The following TIAM1 variants were observed in gnomAD, a reference collection of about 807,000 sequenced individuals.
TIAM1 encodes TIAM Rac1 associated GEF 1.
Under a neutral mutation model 163.5 loss-of-function variants are expected in TIAM1, and 65 were observed. That is an observed-to-expected ratio of 0.40 (90% CI 0.33 to 0.49). The LOEUF (loss-of-function observed/expected upper bound fraction) is 0.49, where lower values mean the gene tolerates loss of function less well. Among genes scored for constraint, TIAM1 ranks in the 20% least tolerant of loss-of-function variants. The pLI is 0.77. For missense variants in TIAM1, 1,789 were observed against 2,044.7 expected (o/e 0.87, Z 2.41); for synonymous variants, 833 against 810.1 (o/e 1.03, Z -0.48).
intron 2 of TIAM1, among the ~76,000 whole-genome samples, chr21:31,301,441 G>A (rs2074495243): frequency 6.6e-6 from 1 of 152,108 alleles, no homozygotes; most frequent in African/African-American, 2.4e-5. Flanking sequence ...AGACCAGACA[G>A]GAATTACATT....
At chr21:31,259,550 G>A (rs143565246) in intron 4 of TIAM1, among the ~76,000 whole-genome samples, 1,844 of 151,934 alleles carry the variant, frequency 0.012, 16 homozygotes, top group Non-Finnish European at 0.017. Context: ...GTTCAAGGCC[G>A]CAGTGCACTA....
intron 1 of TIAM1, among the ~76,000 whole-genome samples, chr21:31,520,861 A>C (rs945606542): frequency 6.6e-6 from 1 of 152,246 alleles, no homozygotes; most frequent in Admixed American, 6.5e-5. Context: ...AATTCCCACC[A>C]CTGGACCAAT....
chr21:31,337,534 T>C (rs2075882964), intron 2 of TIAM1, among the ~76,000 whole-genome samples: 1 of 150,426 alleles, frequency 6.6e-6, no homozygotes, highest in South Asian at 2.1e-4. Context: ...ATTATTATTA[T>C]TATTATTATT....
At chr21:31,313,636 G>A (rs367954370) in intron 2 of TIAM1, among the ~76,000 whole-genome samples, 1 of 152,194 alleles carries the variant, frequency 6.6e-6, no homozygotes, top group East Asian at 1.9e-4. Flanking sequence ...ATCCAGTGGC[G>A]CAATCTTGGC....
intron 2 of TIAM1, among the ~76,000 whole-genome samples, chr21:31,403,814 G>T (rs1602197359): frequency 6.6e-6 from 1 of 152,188 alleles, no homozygotes; most frequent in African/African-American, 2.4e-5. Context: ...GTCAAAAAAT[G>T]AATTAGACAG....
At chr21:31,210,741 AGG>A (rs1410367443) in intron 10 of TIAM1, among the ~76,000 whole-genome samples, 6 of 120,232 alleles carry the variant, frequency 5.0e-5, no homozygotes, top group African/African-American at 1.7e-4. Context: ...GAAAGAAGGA[AGG>A]AAGGGAGAAA....
intron 4 of TIAM1, among the ~76,000 whole-genome samples, chr21:31,261,694 C>T (rs1245679025): frequency 6.7e-6 from 1 of 150,024 alleles, no homozygotes; most frequent in African/African-American, 2.5e-5. Context: ...TCCTGGGCAA[C>T]AGAGTGAGAC....
intron 2 of TIAM1, among the ~76,000 whole-genome samples, chr21:31,277,392 T>A (rs2073344364): frequency 6.6e-6 from 1 of 152,218 alleles, no homozygotes; most frequent in Admixed American, 6.5e-5. Flanking sequence ...ATGCCTGTAA[T>A]CCCAGCACTT....
chr21:31,469,503 A>G (rs1383290236), intron 1 of TIAM1, among the ~76,000 whole-genome samples: 1 of 152,138 alleles, frequency 6.6e-6, no homozygotes, highest in Non-Finnish European at 1.5e-5. Flanking sequence ...GACTGACAAC[A>G]GTAGAAGAAG....
chr21:31,481,803 G>A (rs529378133), intron 1 of TIAM1, among the ~76,000 whole-genome samples: 1 of 152,034 alleles, frequency 6.6e-6, no homozygotes, highest in South Asian at 2.1e-4. Context: ...TCTGAATTCT[G>A]TTGTTTAGAG....
intron 2 of TIAM1, among the ~76,000 whole-genome samples, chr21:31,456,389 C>T (rs536760307): frequency 6.6e-6 from 1 of 152,296 alleles, no homozygotes; most frequent in African/African-American, 2.4e-5. Context: ...AGCCTCCCTG[C>T]CGCCCTGGCA....
intron 2 of TIAM1, among the ~76,000 whole-genome samples, chr21:31,384,762 G>T (rs1305435765): frequency 2.0e-5 from 3 of 152,126 alleles, no homozygotes; most frequent in African/African-American, 7.2e-5. Flanking sequence ...GCACAGAAGG[G>T]CTACACATAC....
In TIAM1 at chr21:31,266,874, C is replaced by T. The variant is rs987015348; in HGVS notation, c.99G>A (p.Ser33=). ...CGTGCCTGGTCCTCCGCGTCTTGTG[C>T]GAGAGGCGCAGGGAGCGGGAAGTGT... The part of the protein sequence containing the change: ...RKHTSRSLRL[S]HKTRRTRHAS... The change falls in exon 4 of 28, where the codon TCG becomes TCA. Residue 33 remains serine, a synonymous_variant. Transcript: ENST00000541036. The T allele has an allele frequency of 5.6e-6, 9 of 1,614,084 alleles. No homozygotes were observed. Among genetic ancestry groups the T allele is most frequent in the South Asian group, 3.3e-5 (3 of 91,088 alleles).
rs765362629 is a variant in TIAM1 at position 31,135,984 on chromosome 21, G to A, written c.3832C>T (p.Pro1278Ser). 1.9e-6 allele frequency: 3 copies of A among 1,614,160 alleles called. No homozygotes were observed. The highest frequency in any genetic ancestry group is 2.5e-6 in the Non-Finnish European group (3 of 1,180,022). ...LLHTTVIWLN[P>S]PASLGKWKKE... The stretch of plus-strand genomic sequence containing the variant: ...TTCCACTTGCCCAGCGAGGCCGGCG[G>A]GTTCAGCCAGATCACGGTAGTGTGC... Residue 1278 changes from proline (P) to serine (S), a missense_variant, in exon 23 of 28, where the codon CCG becomes TCG. Pro to Ser is a moderately conservative substitution (Grantham distance 74). This residue lies in a region of TIAM1 where 415 missense variants were observed against 439.2 expected (regional missense o/e 0.94). Coordinates refer to ENST00000541036, the MANE Select transcript of TIAM1 (RefSeq NM_001353694.2).
intron 2 of TIAM1, among the ~76,000 whole-genome samples, chr21:31,418,948 G>A (rs1006722755): frequency 6.6e-6 from 1 of 152,098 alleles, no homozygotes; most frequent in Non-Finnish European, 1.5e-5. Flanking sequence ...CCCACCGAGC[G>A]GTCTAGCCCA....
chr21:31,284,454 G>A (rs536835805), intron 2 of TIAM1, among the ~76,000 whole-genome samples: 59 of 152,248 alleles, frequency 3.9e-4, no homozygotes, highest in Admixed American at 3.7e-3. Flanking sequence ...CACAGCAGGG[G>A]GGGTGGAGGG....
Position 31,120,473 on chromosome 21 carries a change from A to G in TIAM1, c.4671T>C (p.Ala1557=), listed in dbSNP as rs1356807000. The change falls in exon 28 of 28, where the codon GCT becomes GCC. Residue 1557 remains alanine, a synonymous_variant. Transcript: ENST00000541036. The surrounding 1 kb of genome is among the most constrained non-coding windows in gnomAD (Gnocchi z 4.2). ...ASRMAQLKKQ[A]ALSGINGGLE... is the part of the protein sequence containing the mutation. ...GGCCTCCATTGATCCCCGACAGGGC[A>G]GCTTGCTTCTTGAGCTGTGCCATGC... The G allele has an allele frequency of 6.2e-7, 1 of 1,614,188 alleles. No homozygotes were observed. Among genetic ancestry groups the G allele is most frequent in the East Asian group, 2.2e-5 (1 of 44,876 alleles).
chr21:31,298,968 A>T (rs1174518783), intron 2 of TIAM1, among the ~76,000 whole-genome samples: 1 of 152,164 alleles, frequency 6.6e-6, no homozygotes, highest in Non-Finnish European at 1.5e-5. Context: ...ATGTTATCGG[A>T]GGAGGGAGGC....
chr21:31,548,346 G>A lies in TIAM1; in HGVS notation c.-422+10581C>T, dbSNP rs138816412. On this transcript the variant is annotated intron_variant, in intron 1 of 28. Transcript: ENST00000286827. ...TAGTAGGGACGGGTTTCGCCATGTTGGCCAGGCTGGTCTCGAACTCCTGAC... is the reference window on the plus strand; with the variant it reads ...TAGTAGGGACGGGTTTCGCCATGTTAGCCAGGCTGGTCTCGAACTCCTGAC... Among the ~76,000 whole-genome samples, 36 of 152,016 alleles carry A rather than the reference G, an allele frequency of 2.4e-4. 2 individuals carry two copies. The highest frequency in any genetic ancestry group is 6.2e-4 in the South Asian group (3 of 4,812).
Sources: allele counts gnomAD v4.1 joint callset (sites outside exome capture counted in the v4.1 genomes callset), GRCh38; gene constraint gnomAD v4.1.1; regional missense constraint gnomAD v4.1.1; non-coding constraint Gnocchi (gnomAD v3.1); transcripts MANE v1.5; gene names NCBI Gene and HGNC (gene_info 2026-07-23, HGNC 2026-07-21).